Variants in PTPRN2 observed in about 807,000 individuals in gnomAD.
PTPRN2 encodes the protein protein tyrosine phosphatase receptor type N2, also known as receptor-type tyrosine-protein phosphatase N2.
PTPRN2 carries 74 observed loss-of-function variants against 118.8 expected under a neutral mutation model. The ratio of observed to expected loss-of-function variants is 0.62; its 90% confidence interval spans 0.52 to 0.76. The LOEUF (loss-of-function observed/expected upper bound fraction) is 0.76, where lower values mean the gene tolerates loss of function less well. PTPRN2 is among the 30% of genes least tolerant of loss of function. PTPRN2 has a pLI of 0.00. For synonymous variants in PTPRN2, 641 were observed against 608.0 expected (o/e 1.05, Z -0.80); for missense variants, 1,481 against 1,394.4 (o/e 1.06, Z -0.99).
At chr7:158,423,544 T>C (rs1815441392) in intron 2 of PTPRN2, among the ~76,000 whole-genome samples, 3 of 151,882 alleles carry the variant, frequency 2.0e-5, no homozygotes, top group Admixed American at 1.3e-4. Flanking sequence ...TCCTCATTTT[T>C]TTTTTTTGAG....
rs927514157 is a variant in PTPRN2 at position 157,690,849 on chromosome 7, C to T, written c.1789-7912G>A. Among the ~76,000 whole-genome samples, 6 of 147,304 alleles carry T rather than the reference C, an allele frequency of 4.1e-5. No individual in the cohort carries two copies. The highest frequency in any genetic ancestry group is 9.1e-5 in the Non-Finnish European group (6 of 66,294). On this transcript the variant is annotated intron_variant, in intron 12 of 22. Transcript: ENST00000389418. This position sits in a 1 kb window ranked among gnomAD's most constrained non-coding sequence, Gnocchi z 7.1. ...TGCGCGGCCGCTCGGCCCAGCTCCGCGTGCTCCGCCCCGGCCCGGCCCCCG... is the reference window on the plus strand; with the variant it reads ...TGCGCGGCCGCTCGGCCCAGCTCCGTGTGCTCCGCCCCGGCCCGGCCCCCG...
chr7:158,313,504 G>A (rs980584430), intron 3 of PTPRN2, among the ~76,000 whole-genome samples: 4 of 152,202 alleles, frequency 2.6e-5, no homozygotes, highest in South Asian at 4.1e-4. Flanking sequence ...CTGGGCAGAC[G>A]CTCAGCCAGG....
chr7:157,583,243 TCTCA>T lies in PTPRN2; in HGVS notation c.2497-5107_2497-5104del, dbSNP rs1800489702. ...ACACAGAAGGACAGGCACCCCATGA[TCTCA>T]CTCACATGTGGCACCTAAAAAGGAC... is the stretch of plus-strand genomic sequence containing the variant. On this transcript the variant is annotated intron_variant, in intron 17 of 22. Coordinates refer to ENST00000389418, the MANE Select transcript of PTPRN2 (RefSeq NM_002847.5). This position sits in a 1 kb window ranked among gnomAD's most constrained non-coding sequence, Gnocchi z 5.5. 6.6e-6 allele frequency among the ~76,000 whole-genome samples: 1 copy of T among 152,042 alleles called. No individual in the cohort carries two copies.
intron 2 of PTPRN2, among the ~76,000 whole-genome samples, chr7:158,379,827 G>T (rs1810825346): frequency 6.6e-6 from 1 of 152,210 alleles, no homozygotes; most frequent in Admixed American, 6.5e-5. Context: ...ATGCAGGAAA[G>T]AGGTTTAATG....
chr7:158,341,889 A>ATT (rs1806903920), intron 2 of PTPRN2, among the ~76,000 whole-genome samples: 1 of 66,232 alleles, frequency 1.5e-5, no homozygotes, highest in Non-Finnish European at 2.8e-5. Context: ...TCACACCCAC[A>ATT]CTCACCATAT....
At chr7:157,626,704 C>G (rs1248102454) in intron 14 of PTPRN2, among the ~76,000 whole-genome samples, 1 of 152,212 alleles carries the variant, frequency 6.6e-6, no homozygotes, top group Non-Finnish European at 1.5e-5. Flanking sequence ...GCACAGGCAG[C>G]AAGCACTCAG....
chr7:157,928,353 A>G (rs1106511), intron 11 of PTPRN2, among the ~76,000 whole-genome samples: 34,023 of 152,032 alleles, frequency 0.22, 4,186 homozygotes, highest in East Asian at 0.37. Context: ...AGCAGGATGC[A>G]CCCAGCCTCC....
chr7:158,327,389 A>G (rs549424602), intron 2 of PTPRN2, among the ~76,000 whole-genome samples: 4,393 of 150,448 alleles, frequency 0.029, 115 homozygotes, highest in Non-Finnish European at 0.041. Flanking sequence ...TCACATGCAC[A>G]CACATGCTCA....
chr7:158,134,038 G>C lies in PTPRN2; in HGVS notation c.1195C>G (p.Leu399Val). ...YQEVHRLSAT[L>V]GGLLQDHGSR... Reference sequence around the variant, plus strand: ...CCGTGGTCCTGCAGGAGGCCCCCGAGTGTGGCACTCAGACGATGGACCTGA... The same window carrying C: ...CCGTGGTCCTGCAGGAGGCCCCCGACTGTGGCACTCAGACGATGGACCTGA... Residue 399 changes from leucine (L) to valine (V), a missense_variant, in exon 9 of 23, where the codon CTC becomes GTC. Physicochemically the swap from Leu to Val is conservative, Grantham distance 32 (BLOSUM62 1). This residue lies in a region of PTPRN2 where 1,115 missense variants were observed against 994.2 expected (regional missense o/e 1.12). Coordinates refer to ENST00000389418, the MANE Select transcript of PTPRN2 (RefSeq NM_002847.5). 6.2e-7 allele frequency: 1 copy of C among 1,613,672 alleles called. No homozygotes were observed. The highest frequency in any genetic ancestry group is 2.2e-5 in the East Asian group (1 of 44,876).
intron 22 of PTPRN2, among the ~76,000 whole-genome samples, chr7:157,546,614 CT>C (rs1798332343): frequency 6.6e-6 from 1 of 152,238 alleles, no homozygotes; most frequent in South Asian, 2.1e-4. Context: ...GATCTCATTC[CT>C]TTTTATGGCT....
At chr7:157,757,202 G>A (rs948016108) in intron 12 of PTPRN2, among the ~76,000 whole-genome samples, 27 of 150,262 alleles carry the variant, frequency 1.8e-4, no homozygotes, top group African/African-American at 4.3e-4. Context: ...GGCAGAGACC[G>A]TCGAGGAACC....
chr7:158,579,188 T>A (rs968379914), intron 1 of PTPRN2, among the ~76,000 whole-genome samples: 4 of 152,264 alleles, frequency 2.6e-5, no homozygotes, highest in Admixed American at 2.6e-4. Context: ...TCCTTATTGA[T>A]GTAACCTGTT....
rs542874747 is a variant in PTPRN2, at chr7:158,118,546, T to C, written c.1557-7631A>G. 8.5e-5 allele frequency among the ~76,000 whole-genome samples: 13 copies of C among 152,298 alleles called. No homozygotes were observed. In the Middle Eastern group the frequency reaches 0.01, roughly 120 times the overall value. On this transcript the variant is annotated intron_variant, in intron 9 of 22. Coordinates refer to ENST00000389418, the MANE Select transcript of PTPRN2 (RefSeq NM_002847.5). ...TTAAAATGACAGAAGTCCCTCCTCA[T>C]CATTAATTACTTTAAATGTAAATAG...
At chr7:158,217,909 A>G (rs752923753) in intron 3 of PTPRN2, among the ~76,000 whole-genome samples, 6 of 152,210 alleles carry the variant, frequency 3.9e-5, no homozygotes, top group Admixed American at 2.0e-4. Flanking sequence ...AGAGTGTTAA[A>G]AAATGAATAA....
At chr7:158,178,017 A>G (rs928048575) in intron 5 of PTPRN2, among the ~76,000 whole-genome samples, 2 of 152,202 alleles carry the variant, frequency 1.3e-5, no homozygotes, top group Admixed American at 1.3e-4. Context: ...CCTCCTTGCC[A>G]ATACATAGGA....
chr7:158,176,029 G>C (rs549014499), intron 5 of PTPRN2, among the ~76,000 whole-genome samples: 2 of 151,868 alleles, frequency 1.3e-5, no homozygotes, highest in South Asian at 4.2e-4. Flanking sequence ...CCTGCTCCGA[G>C]ACTCGCAATG....
rs551799092 is a variant in PTPRN2, at chr7:158,544,726, GA to G, written c.112+42831del. On this transcript the variant is annotated intron_variant, in intron 1 of 22. Coordinates refer to ENST00000389418, the MANE Select transcript of PTPRN2 (RefSeq NM_002847.5). This position sits in a 1 kb window ranked among gnomAD's most constrained non-coding sequence, Gnocchi z 4.2. ...TGAGTGTATTTTACGTGTGGTCCAA[GA>G]TAATTCTTATTCCAGTGTAACCCGG... Among the ~76,000 whole-genome samples, 567 of 152,306 alleles carry G rather than the reference GA, an allele frequency of 3.7e-3. 2 individuals carry two copies. Among genetic ancestry groups the G allele is most frequent in the African/African-American group, 0.013 (526 of 41,576 alleles).
chr7:158,400,931 T>C (rs1270501783), intron 2 of PTPRN2, among the ~76,000 whole-genome samples: 1 of 150,682 alleles, frequency 6.6e-6, no homozygotes, highest in Non-Finnish European at 1.5e-5. Context: ...AAGAACATCC[T>C]GTAAAGAACC....
At chr7:158,471,893 G>A (rs1048480609) in intron 2 of PTPRN2, among the ~76,000 whole-genome samples, 5 of 152,166 alleles carry the variant, frequency 3.3e-5, no homozygotes, top group East Asian at 1.9e-4. Flanking sequence ...CCGTTCTGTC[G>A]GCTGAGACCA....
Sources: gnomAD v4.1 joint callset for allele counts (sites outside exome capture counted in the v4.1 genomes callset) on GRCh38, gnomAD v4.1.1 for gene constraint, gnomAD v4.1.1 regional missense constraint, Gnocchi (gnomAD v3.1) non-coding constraint, MANE v1.5 for transcripts, NCBI Gene and HGNC (gene_info 2026-07-23, HGNC 2026-07-21) for gene names.